The following STAG1 variants were observed in gnomAD, a reference collection of about 807,000 sequenced individuals.
The protein encoded by STAG1 is STAG1 cohesin complex component.
Under a neutral mutation model 170.9 loss-of-function variants are expected in STAG1, and 26 were observed. The observed-to-expected ratio is 0.15, with a 90% CI of 0.11 to 0.21. STAG1 has a LOEUF of 0.21. Ranked by LOEUF, STAG1 falls within the 10% of genes least tolerant of loss-of-function variation. The pLI, the probability that STAG1 is intolerant of heterozygous loss-of-function variation, is 1.00. For missense variants in STAG1, 964 were observed against 1,509.5 expected (o/e 0.64, Z 5.99); for synonymous variants, 514 against 497.7 (o/e 1.03, Z -0.44).
At chr3:136,407,840 G>A (rs1188462491) in intron 21 of STAG1, among the ~76,000 whole-genome samples, 1 of 150,154 alleles carries the variant, frequency 6.7e-6, no homozygotes, top group African/African-American at 2.5e-5. Context: ...AGGTTGCAGT[G>A]AGCCGAGATC....
intron 4 of STAG1, among the ~76,000 whole-genome samples, chr3:136,601,341 ATT>A (rs1938667236): frequency 6.6e-6 from 1 of 152,218 alleles, no homozygotes; most frequent in African/African-American, 2.4e-5. Context: ...ACGTTTATAA[ATT>A]TTAAATATAG....
chr3:136,492,489 AG>A (rs1195664613), intron 9 of STAG1, among the ~76,000 whole-genome samples: 1 of 152,248 alleles, frequency 6.6e-6, no homozygotes, highest in Non-Finnish European at 1.5e-5. Context: ...GACGGAGCCA[AG>A]ATGGACAGAA....
intron 1 of STAG1, among the ~76,000 whole-genome samples, chr3:136,721,733 G>C (rs1474125638): frequency 1.3e-5 from 2 of 151,954 alleles, no homozygotes; most frequent in East Asian, 3.9e-4. Context: ...GACCATCCTG[G>C]CTAACACGGT....
chr3:136,678,516 A>C (rs1458688343), intron 1 of STAG1, among the ~76,000 whole-genome samples: 2 of 148,224 alleles, frequency 1.3e-5, no homozygotes, highest in African/African-American at 5.2e-5. Context: ...AAACGAGGTA[A>C]ACATGAATTG....
At chr3:136,562,835 G>A (rs967306336) in intron 5 of STAG1, among the ~76,000 whole-genome samples, 3 of 152,144 alleles carry the variant, frequency 2.0e-5, no homozygotes, top group Admixed American at 6.5e-5. Context: ...TGATCTGCCC[G>A]CCTCAGCCTC....
chr3:136,741,983 A>T (rs1388527964), intron 1 of STAG1, among the ~76,000 whole-genome samples: 1 of 152,204 alleles, frequency 6.6e-6, no homozygotes, highest in African/African-American at 2.4e-5. Flanking sequence ...TAAAAAGGTC[A>T]ATTTGTCAAA....
At chr3:136,502,834 G>A (rs1038626649) in intron 7 of STAG1, 55 bp from the exon 8 acceptor site, 13 of 1,340,054 alleles carry the variant, frequency 9.7e-6, no homozygotes, top group Non-Finnish European at 1.1e-5. Context: ...ATCCATATAA[G>A]ATTACAAATT....
intron 1 of STAG1, among the ~76,000 whole-genome samples, chr3:136,751,760 C>G (rs1363538507): frequency 6.6e-6 from 1 of 151,736 alleles, no homozygotes; most frequent in East Asian, 1.9e-4. Flanking sequence ...CGCGCCAGCC[C>G]GCGTCGGCCC....
At position 136,467,180 on chromosome 3, in the gene STAG1, G is replaced by A. The variant is rs558594984; in HGVS notation, c.1206-2192C>T. ...ACAATATTAACCTTAAATGTAAATG[G>A]GCTAAATGCTCCAATTAAAAGACAC... On this transcript the variant is annotated intron_variant, in intron 12 of 33. Coordinates refer to ENST00000383202, the MANE Select transcript of STAG1 (RefSeq NM_005862.3). 2.8e-4 allele frequency among the ~76,000 whole-genome samples: 43 copies of A among 152,224 alleles called. 1 individual carries two copies. The highest frequency in any genetic ancestry group is 2.6e-3 in the Admixed American group (40 of 15,282).
intron 3 of STAG1, among the ~76,000 whole-genome samples, chr3:136,621,679 T>C (rs1332242521): frequency 6.6e-6 from 1 of 152,186 alleles, no homozygotes; most frequent in Non-Finnish European, 1.5e-5. Flanking sequence ...AAGTCTTTCA[T>C]CTTGTTTTTT....
chr3:136,736,486 C>CG (rs1362817182), intron 1 of STAG1: 2 of 1,343,398 alleles, frequency 1.5e-6, no homozygotes, highest in Non-Finnish European at 2.1e-6. Flanking sequence ...CCTGTGACCC[C>CG]GGGTGGTCAT....
At chr3:136,601,445 T>C (rs1347882332) in intron 4 of STAG1, among the ~76,000 whole-genome samples, 2 of 152,080 alleles carry the variant, frequency 1.3e-5, no homozygotes, top group African/African-American at 4.8e-5. Flanking sequence ...GAAAGGTGGG[T>C]TAACACCAAA....
intron 22 of STAG1, among the ~76,000 whole-genome samples, chr3:136,395,366 T>C (rs535960297): frequency 6.6e-6 from 1 of 152,298 alleles, no homozygotes; most frequent in South Asian, 2.1e-4. Context: ...CACACACCTG[T>C]AATCCCAATA....
chr3:136,662,791 C>T (rs1430955315), intron 1 of STAG1, among the ~76,000 whole-genome samples: 2 of 152,306 alleles, frequency 1.3e-5, no homozygotes, highest in Admixed American at 1.3e-4. Flanking sequence ...TCGCTAACAT[C>T]TGTTAATCCC....
intron 9 of STAG1, among the ~76,000 whole-genome samples, chr3:136,478,281 C>G (rs946574199): frequency 6.6e-6 from 1 of 152,158 alleles, no homozygotes; most frequent in Non-Finnish European, 1.5e-5. Flanking sequence ...CCCGAAAAGT[C>G]AGAATTCTGG....
chr3:136,403,882 T>C (rs1220761957), intron 21 of STAG1, among the ~76,000 whole-genome samples: 5 of 152,228 alleles, frequency 3.3e-5, no homozygotes, highest in Admixed American at 6.5e-5. Flanking sequence ...CACATTGGTA[T>C]TCCTTTTAAG....
At chr3:136,570,749 A>G (rs534321734) in intron 4 of STAG1, among the ~76,000 whole-genome samples, 2 of 152,382 alleles carry the variant, frequency 1.3e-5, no homozygotes, top group East Asian at 3.9e-4. Flanking sequence ...ATGCTGATTA[A>G]GCATATCCCT....
At chr3:136,427,921 G>C (rs2107738173) in intron 16 of STAG1, among the ~76,000 whole-genome samples, 1 of 152,294 alleles carries the variant, frequency 6.6e-6, no homozygotes, top group Admixed American at 6.5e-5. Flanking sequence ...GATAATTTTA[G>C]AAAGAGGTTT....
intron 4 of STAG1, among the ~76,000 whole-genome samples, chr3:136,601,188 A>G (rs1348945813): frequency 6.6e-6 from 1 of 152,144 alleles, no homozygotes; most frequent in East Asian, 1.9e-4. Flanking sequence ...TAATACAATA[A>G]AACTGGAAAC....
Sources: gnomAD v4.1 joint callset for allele counts (sites outside exome capture counted in the v4.1 genomes callset) on GRCh38, gnomAD v4.1.1 for gene constraint, MANE v1.5 for transcripts, NCBI Gene and HGNC (gene_info 2026-07-23, HGNC 2026-07-21) for gene names.